Variants in PCDH15 observed in about 807,000 individuals in gnomAD.
PCDH15 encodes protocadherin-15.
Under a neutral mutation model 178.5 loss-of-function variants are expected in PCDH15, and 129 were observed. The ratio of observed to expected loss-of-function variants is 0.72; its 90% CI spans 0.63 to 0.84. The LOEUF is 0.84. Among genes scored for constraint, PCDH15 ranks in the 40% least tolerant of loss-of-function variants. PCDH15 has a pLI of 0.00. For missense variants in PCDH15, 2,230 were observed against 2,099.9 expected (o/e 1.06, Z -1.21); for synonymous variants, 800 against 732.0 (o/e 1.09, Z -1.50).
intron 2 of PCDH15, among the ~76,000 whole-genome samples, chr10:54,908,060 T>C (rs1954756811): frequency 6.6e-6 from 1 of 152,176 alleles, no homozygotes; most frequent in Admixed American, 6.6e-5. Flanking sequence ...GGGTGTCACT[T>C]CACCAGCTGG....
rs957097716 is a variant in PCDH15, at chr10:54,153,263, T to G, written c.1621A>C (p.Asn541His). The G allele has an allele frequency of 6.2e-7, 1 of 1,613,814 alleles. No individual in the cohort carries two copies. The highest frequency in any genetic ancestry group is 1.7e-5 in the Admixed American group (1 of 59,972). The change falls in exon 14 of 38, where the codon AAT becomes CAT. Residue 541 changes from asparagine to histidine, a missense_variant. By Grantham distance (68) the Asn-to-His change is moderately conservative. Transcript: ENST00000644397. ...AGGATTTCATATGTGATCTCCCCAT[T>G]TGACCCTTCGTCTGCGTCGACTGCA... is the stretch of plus-strand genomic sequence containing the variant. Reference protein sequence around the residue: ...LTAVDADEGSNGEITYEILVG... With the variant: ...LTAVDADEGSHGEITYEILVG...
chr10:55,506,794 G>A (rs1840769175), intron 2 of PCDH15, among the ~76,000 whole-genome samples: 1 of 151,354 alleles, frequency 6.6e-6, no homozygotes, highest in Non-Finnish European at 1.5e-5. Flanking sequence ...TTTCTTAGTG[G>A]TGTCTAGTTC....
chr10:54,766,636 A>C (rs1005617207), intron 1 of PCDH15, among the ~76,000 whole-genome samples: 2 of 152,108 alleles, frequency 1.3e-5, no homozygotes, highest in African/African-American at 4.8e-5. Flanking sequence ...AGTTAAAAAA[A>C]GTAGTTTGTA....
In PCDH15 at chr10:54,132,957, C is replaced by T; in HGVS notation, c.1835G>A (p.Ser612Asn). Reference protein sequence around the residue: ...YIEVLPPNNQSPPRFPQLMYS... With the variant: ...YIEVLPPNNQNPPRFPQLMYS... ...CATCAGCTGTGGGAAGCGAGGAGGG[C>T]TTTGATTATTTGGTGGAAGCACTTC... The change falls in exon 15 of 38, where the codon AGC becomes AAC. Residue 612 changes from serine to asparagine, a missense_variant. Transcript: ENST00000644397. 4 of 1,614,054 alleles carry T rather than the reference C, an allele frequency of 2.5e-6. No homozygotes were observed. Among genetic ancestry groups the T allele is most frequent in the Non-Finnish European group, 3.4e-6 (4 of 1,179,976 alleles).
intron 2 of PCDH15, among the ~76,000 whole-genome samples, chr10:55,076,675 T>C (rs1050637859): frequency 1.3e-5 from 2 of 151,630 alleles, no homozygotes; most frequent in Admixed American, 6.6e-5. Flanking sequence ...CCTAGGCTAG[T>C]ATCAAACTTA....
chr10:55,074,304 G>A (rs1841826269), intron 2 of PCDH15, among the ~76,000 whole-genome samples: 1 of 152,078 alleles, frequency 6.6e-6, no homozygotes, highest in South Asian at 2.1e-4. Flanking sequence ...TTCCACAATG[G>A]TTGAACTAAT....
intron 2 of PCDH15, among the ~76,000 whole-genome samples, chr10:54,571,968 T>C (rs1052275067): frequency 2.6e-5 from 4 of 152,062 alleles, no homozygotes; most frequent in Admixed American, 6.6e-5. Context: ...GTAGATGAGG[T>C]CCACCTGATC....
chr10:54,949,796 G>A (rs1040443713), intron 2 of PCDH15, among the ~76,000 whole-genome samples: 4 of 151,856 alleles, frequency 2.6e-5, no homozygotes, highest in African/African-American at 9.7e-5. Context: ...CTAGGACAGG[G>A]GCCAAATGCT....
chr10:55,472,491 T>C (rs1839980698), intron 2 of PCDH15, among the ~76,000 whole-genome samples: 1 of 138,160 alleles, frequency 7.2e-6, no homozygotes, highest in East Asian at 2.2e-4. Flanking sequence ...TTTTTTTGAA[T>C]GGCTACCAGA....
chr10:54,466,154 A>G (rs528506820), intron 3 of PCDH15, among the ~76,000 whole-genome samples: 1 of 151,734 alleles, frequency 6.6e-6, no homozygotes, highest in African/African-American at 2.4e-5. Context: ...AGTTCTACAG[A>G]TTGTTTCTTT....
At chr10:54,215,897 A>C (rs184980603) in intron 9 of PCDH15, among the ~76,000 whole-genome samples, 1,702 of 151,802 alleles carry the variant, frequency 0.011, 37 homozygotes, top group African/African-American at 0.039. Context: ...ACAAAAAATT[A>C]GCCAGCCTGG....
chr10:55,324,760 C>G (rs966180642), intron 2 of PCDH15, among the ~76,000 whole-genome samples: 8 of 152,046 alleles, frequency 5.3e-5, no homozygotes, highest in African/African-American at 1.9e-4. Flanking sequence ...CTACAGAAAT[C>G]TAAAGAGAGA....
At chr10:54,512,945 T>A (rs533726167) in intron 3 of PCDH15, among the ~76,000 whole-genome samples, 60 of 152,188 alleles carry the variant, frequency 3.9e-4, no homozygotes, top group Non-Finnish European at 7.8e-4. Flanking sequence ...TTAGACAGTA[T>A]TTTTACACAG....
intron 2 of PCDH15, among the ~76,000 whole-genome samples, chr10:55,584,784 G>T (rs1462051321): frequency 6.6e-6 from 1 of 151,276 alleles, no homozygotes; most frequent in East Asian, 1.9e-4. Flanking sequence ...TTATTATTAG[G>T]ATTTTGTTGA....
chr10:53,997,481 A>G lies in PCDH15; in HGVS notation c.2752-1716T>C, dbSNP rs936028150. ...CGAAAGGAAGGAGCCCAACACTGCA[A>G]TGTTTCCATGCATGAGTTTCCAATG... On this transcript the variant is annotated intron_variant, in intron 20 of 37. Transcript: ENST00000644397. 4.6e-5 allele frequency among the ~76,000 whole-genome samples: 7 copies of G among 152,146 alleles called. No individual in the cohort carries two copies. The East Asian group carries it at 1.3e-3, about 29-fold the overall frequency.
At chr10:54,762,414 A>C (rs1948001743) in intron 1 of PCDH15, among the ~76,000 whole-genome samples, 1 of 152,258 alleles carries the variant, frequency 6.6e-6, no homozygotes, top group East Asian at 1.9e-4. Flanking sequence ...AATAATAACT[A>C]GTGACAATGA....
intron 2 of PCDH15, among the ~76,000 whole-genome samples, chr10:55,453,030 T>A (rs1368481234): frequency 2.0e-5 from 3 of 152,170 alleles, no homozygotes; most frequent in Non-Finnish European, 2.9e-5. Flanking sequence ...ATTTTAATTT[T>A]AAAAACATAT....
intron 3 of PCDH15, among the ~76,000 whole-genome samples, chr10:54,860,421 A>G (rs892439511): frequency 1.3e-5 from 2 of 152,108 alleles, no homozygotes; most frequent in African/African-American, 4.8e-5. Flanking sequence ...CTGTTCCTGC[A>G]TTCGTTAGCT....
chr10:54,489,941 T>C (rs1284379394), intron 3 of PCDH15, among the ~76,000 whole-genome samples: 2 of 152,168 alleles, frequency 1.3e-5, no homozygotes, highest in African/African-American at 4.8e-5. Flanking sequence ...AGGTAAAATG[T>C]TTAGTTCAAT....
Sources: allele counts gnomAD v4.1 joint callset (sites outside exome capture counted in the v4.1 genomes callset), GRCh38; gene constraint gnomAD v4.1.1; transcripts MANE v1.5; gene names NCBI Gene and HGNC (gene_info 2026-07-23, HGNC 2026-07-21).